Variants in CYP4V2 observed in about 807,000 individuals in gnomAD.
CYP4V2 encodes the protein cytochrome P450 4V2.
In CYP4V2, 55 loss-of-function variants were observed where a neutral mutation model predicts 60.8. That is an observed-to-expected ratio of 0.90 (90% CI 0.73 to 1.13). The LOEUF is 1.13. Ranked by LOEUF, CYP4V2 falls within the 50% of genes most tolerant of loss-of-function variation. The probability of loss-of-function intolerance (pLI) is 0.00; values close to 1 mark genes in which losing one functional copy is unlikely to be tolerated. For synonymous variants in CYP4V2, 239 were observed against 236.8 expected, an observed-to-expected ratio of 1.01 and a Z score of -0.08; for missense variants, 675 against 662.9, an observed-to-expected ratio of 1.02 and a Z score of -0.20.
In CYP4V2 at chr4:186,194,578, C is replaced by T; in HGVS notation, c.293C>T (p.Pro98Leu). 1 of 1,614,076 alleles carries T rather than the reference C, an allele frequency of 6.2e-7. No individual in the cohort carries two copies. Among genetic ancestry groups the T allele is most frequent in the South Asian group, 1.1e-5 (1 of 91,066 alleles). ...PLLKLWVGPVPMVALYNAENV... is the reference protein window; with the variant it reads ...PLLKLWVGPVLMVALYNAENV... Reference sequence around the variant, plus strand: ...CTGAAGCTCTGGGTCGGGCCAGTGCCCATGGTGGCCCTTTATAATGCAGAA... The same window carrying T: ...CTGAAGCTCTGGGTCGGGCCAGTGCTCATGGTGGCCCTTTATAATGCAGAA... Residue 98 changes from proline to leucine, a missense_variant, in exon 2 of 11, where the codon CCC becomes CTC. By Grantham distance (98) the Pro-to-Leu change is moderately conservative (BLOSUM62 -3). Transcript: ENST00000378802.
intron 7 of CYP4V2, 106 bp downstream of exon 7, chr4:186,201,448 A>C: frequency 3.2e-6 from 4 of 1,242,884 alleles, no homozygotes; most frequent in Non-Finnish European, 3.4e-6. Flanking sequence ...AGTTTAACTA[A>C]AGAAGATTCA....
intron 1 of CYP4V2, chr4:186,192,328 C>T (rs1395782500): frequency 4.7e-6 from 3 of 643,748 alleles, no homozygotes; most frequent in African/African-American, 1.8e-5. Context: ...AAAGCCCTGC[C>T]GTTTCCTCCT....
Position 186,191,679 on chromosome 4 carries a change from G to A in CYP4V2, c.-145G>A, listed in dbSNP as rs981198069. On this transcript the variant is annotated 5_prime_UTR_variant, in exon 1 of 11. Transcript: ENST00000378802. The stretch of plus-strand genomic sequence containing the variant: ...GGCCGCCGCCCGGGCGGGAAACGTC[G>A]TTCCGGGGACCGGGCGACCCCGCAG... The A allele has an allele frequency of 5.3e-6, 4 of 758,330 alleles. No individual in the cohort carries two copies. Among genetic ancestry groups the A allele is most frequent in the Admixed American group, 4.6e-5 (1 of 21,898 alleles). 47.0% of individuals were successfully genotyped at this position (758,330 alleles called of 1,614,324 possible).
At position 186,191,851 on chromosome 4, in the gene CYP4V2, TGG is replaced by T; in HGVS notation, c.29_30del (p.Trp10SerfsTer69). On this transcript the variant is annotated frameshift_variant, in exon 1 of 11. Transcript: ENST00000378802. LOFTEE classifies it high-confidence loss of function. ...GGCGGGGCTCTGGCTGGGGCTCGTG[TGG>T]CAGAAGCTGCTGCTGTGGGGCGCGG... is the stretch of plus-strand genomic sequence containing the variant. The part of the protein sequence containing the change: MAGLWLGLV[W>X]QKLLLWGAAS... The T allele has an allele frequency of 6.3e-7, 1 of 1,578,238 alleles. No individual in the cohort carries two copies. The highest frequency in any genetic ancestry group is 1.1e-5 in the South Asian group (1 of 87,454).
intron 3 of CYP4V2, 76 bp from the exon 4 acceptor site, chr4:186,196,864 G>C (rs1014276097): frequency 6.8e-7 from 1 of 1,467,322 alleles, no homozygotes; most frequent in Non-Finnish European, 9.4e-7. Flanking sequence ...TGCTTTAATC[G>C]TTTTGGATGT....
chr4:186,209,595 C>G (rs1736644459), intron 10 of CYP4V2, among the ~76,000 whole-genome samples: 1 of 152,142 alleles, frequency 6.6e-6, no homozygotes, highest in Non-Finnish European at 1.5e-5. Flanking sequence ...CTCCTGAGGC[C>G]TCTCTCCGTG....
At chr4:186,204,861 T>C in intron 7 of CYP4V2, 1 of 384,050 alleles carries the variant, frequency 2.6e-6, no homozygotes, top group Admixed American at 3.7e-5. Context: ...AGTACAGCCC[T>C]GACAAGCAGG....
chr4:186,199,665 A>G (rs1325352552), intron 6 of CYP4V2, among the ~76,000 whole-genome samples: 1 of 152,234 alleles, frequency 6.6e-6, no homozygotes, highest in Non-Finnish European at 1.5e-5. Flanking sequence ...GGGCATTGAT[A>G]GCAGTATCTT....
chr4:186,209,412 C>T (rs1736638949), intron 10 of CYP4V2, 140 bp downstream of exon 10: 1 of 1,077,148 alleles, frequency 9.3e-7, no homozygotes, highest in East Asian at 2.5e-5. Flanking sequence ...TTTTTTCCCT[C>T]ACTGTGCTTT....
chr4:186,198,588 A>G (rs72646268), intron 5 of CYP4V2, among the ~76,000 whole-genome samples: 3,583 of 152,254 alleles, frequency 0.024, 145 homozygotes, highest in African/African-American at 0.083. Context: ...GTCACTCCAG[A>G]GGAGTGGTCA....
In CYP4V2 at chr4:186,209,211, T is replaced by C. The variant is rs72646292; in HGVS notation, c.1344T>C (p.Asn448=). The change falls in exon 10 of 11, where the codon AAT becomes AAC. Residue 448 remains asparagine, a synonymous_variant. Coordinates refer to ENST00000378802, the MANE Select transcript of CYP4V2 (RefSeq NM_207352.4). ...AGCCTGAGCGGTTCTTCCCCGAGAATGCACAAGGGCGCCATCCATATGCCT... is the reference window on the plus strand; with the variant it reads ...AGCCTGAGCGGTTCTTCCCCGAGAACGCACAAGGGCGCCATCCATATGCCT... The part of the protein sequence containing the change: ...EFQPERFFPE[N]AQGRHPYAYV... The C allele has an allele frequency of 2.2e-5, 35 of 1,613,992 alleles. No individual in the cohort carries two copies. The South Asian group carries it at 2.3e-4, about 11-fold the overall frequency.
chr4:186,198,432 C>T lies in CYP4V2; in HGVS notation c.675-525C>T, dbSNP rs554025514. On this transcript the variant is annotated intron_variant, in intron 5 of 10. Transcript: ENST00000378802. ...GCCAGGAAAGGTCTTTCTGAAGAAC[C>T]GGCACCTAAGCTGGTCCTGCAGGAG... Among the ~76,000 whole-genome samples, 22 of 152,294 alleles carry T rather than the reference C, an allele frequency of 1.4e-4. 1 individual carries two copies. In the South Asian group the frequency reaches 4.1e-3, roughly 29 times the overall value.
intron 5 of CYP4V2, among the ~76,000 whole-genome samples, chr4:186,198,544 C>G (rs539063731): frequency 4.6e-5 from 7 of 152,248 alleles, no homozygotes; most frequent in Admixed American, 2.0e-4. Context: ...TTAGAGAGCC[C>G]TCGCTTGTAG....
intron 7 of CYP4V2, chr4:186,202,882 ATGCATGCATACACATG>A (rs1561434687): frequency 1.9e-4 from 29 of 149,022 alleles, no homozygotes; most frequent in African/African-American, 7.1e-4. Context: ...ACATGCACAC[ATGCATGCATACACATG>A]CATGCACACA....
intron 8 of CYP4V2, among the ~76,000 whole-genome samples, chr4:186,207,162 A>T (rs1464565395): frequency 6.6e-6 from 1 of 151,898 alleles, no homozygotes. Context: ...TAATCCCAGC[A>T]CTTTGGGAGG....
chr4:186,192,074 C>T lies in CYP4V2; in HGVS notation c.214+37C>T, dbSNP rs576521079. The stretch of plus-strand genomic sequence containing the variant: ...CGCTCCTCCTGGAGCGCAACGGGGT[C>T]CGCAGCCCCGTTCCCACCCTCCGAT... On this transcript the variant is annotated intron_variant, in intron 1 of 10. Transcript: ENST00000378802. 4.2e-5 allele frequency: 65 copies of T among 1,539,300 alleles called. No homozygotes were observed. In the Middle Eastern group the frequency reaches 6.7e-4, roughly 16 times the overall value.
At chr4:186,201,074 T>C in intron 6 of CYP4V2, 83 bp from the exon 7 acceptor site, 1 of 1,343,746 alleles carries the variant, frequency 7.4e-7, no homozygotes, top group Non-Finnish European at 1.0e-6. Context: ...TGAAAGAAAC[T>C]AGCATATTTT....
intron 8 of CYP4V2, among the ~76,000 whole-genome samples, chr4:186,206,712 T>G (rs1736517726): frequency 6.6e-6 from 1 of 152,206 alleles, no homozygotes; most frequent in African/African-American, 2.4e-5. Context: ...CATCTCTCAT[T>G]CACTGGGAGA....
At chr4:186,208,007 C>T (rs1399217305) in intron 8 of CYP4V2, among the ~76,000 whole-genome samples, 2 of 152,190 alleles carry the variant, frequency 1.3e-5, no homozygotes, top group Non-Finnish European at 2.9e-5. Context: ...TGCCTTGATC[C>T]ACATGTTCTT....
Sources: gnomAD v4.1 joint callset for allele counts (sites outside exome capture counted in the v4.1 genomes callset) on GRCh38, gnomAD v4.1.1 for gene constraint, MANE v1.5 for transcripts, NCBI Gene and HGNC (gene_info 2026-07-23, HGNC 2026-07-21) for gene names.